SLC9B2: variants seen among roughly 807,000 people sequenced by gnomAD.
The protein encoded by SLC9B2 is sodium/hydrogen exchanger 9B2.
A neutral mutation model predicts 52.2 loss-of-function variants in SLC9B2; 39 were observed. The ratio of observed to expected loss-of-function variants is 0.75; its 90% CI spans 0.58 to 0.98. The LOEUF (loss-of-function observed/expected upper bound fraction) is 0.98, where lower values mean the gene tolerates loss of function less well. SLC9B2 is among the 50% of genes least tolerant of loss of function. SLC9B2 has a pLI of 0.00. For missense variants in SLC9B2, 626 were observed against 637.5 expected, an observed-to-expected ratio of 0.98 and a Z score of 0.19; for synonymous variants, 214 against 227.0, an observed-to-expected ratio of 0.94 and a Z score of 0.51.
At chr4:103,031,829 A>G in intron 9 of SLC9B2, 21 bp from the exon 10 acceptor site, 3 of 1,587,992 alleles carry the variant, frequency 1.9e-6, no homozygotes, top group Non-Finnish European at 2.6e-6. Flanking sequence ...AATAAAACAC[A>G]CACAGATTTT....
chr4:103,031,024 A>AT (rs1352549459), intron 10 of SLC9B2, among the ~76,000 whole-genome samples: 2 of 151,866 alleles, frequency 1.3e-5, no homozygotes, highest in Non-Finnish European at 2.9e-5. Flanking sequence ...TTTTTTTAAG[A>AT]TAAGAGAGAT....
chr4:103,067,499 C>T lies in SLC9B2; in HGVS notation c.52G>A (p.Gly18Arg). Reference sequence around the variant, plus strand: ...TGCATGGAGGGCGTGTAATTCATTCCTGTGGATGGTTCTGAATCTTCATAT... The same window carrying T: ...TGCATGGAGGGCGTGTAATTCATTCTTGTGGATGGTTCTGAATCTTCATAT... ...ITYEDSEPSTGMNYTPSMHQE... is the reference protein window; with the variant it reads ...ITYEDSEPSTRMNYTPSMHQE... The change falls in exon 2 of 12, where the codon GGA becomes AGA. Residue 18 changes from glycine to arginine, a missense_variant. Gly to Arg is a moderately radical substitution (Grantham distance 125, BLOSUM62 -2). Transcript: ENST00000394785. 3.1e-6 allele frequency: 5 copies of T among 1,613,520 alleles called. No homozygotes were observed. The highest frequency in any genetic ancestry group is 4.2e-6 in the Non-Finnish European group (5 of 1,179,596).
At position 103,067,522 on chromosome 4, in the gene SLC9B2, T is replaced by C. The variant is rs998559478; in HGVS notation, c.29A>G (p.Tyr10Cys). Residue 10 changes from tyrosine (Y) to cysteine (C), a missense_variant, in exon 2 of 12, where the codon TAT becomes TGT. Coordinates refer to ENST00000394785, the MANE Select transcript of SLC9B2 (RefSeq NM_178833.7). ...TCCTGTGGATGGTTCTGAATCTTCA[T>C]ATGTAATTCTTTTATCTTCATCCCC... Reference protein sequence around the residue: MGDEDKRITYEDSEPSTGMN... With the variant: MGDEDKRITCEDSEPSTGMN... The C allele has an allele frequency of 6.2e-7, 1 of 1,613,052 alleles. No homozygotes were observed. Among genetic ancestry groups the C allele is most frequent in the Non-Finnish European group, 8.5e-7 (1 of 1,179,288 alleles).
At chr4:103,073,448 C>A (rs1399078260) in intron 1 of SLC9B2, among the ~76,000 whole-genome samples, 2 of 152,164 alleles carry the variant, frequency 1.3e-5, no homozygotes, top group African/African-American at 4.8e-5. Context: ...CCAAAAGGAG[C>A]CCTACCCAGC....
intron 4 of SLC9B2, among the ~76,000 whole-genome samples, chr4:103,053,786 T>C (rs1744892370): frequency 6.6e-6 from 1 of 152,024 alleles, no homozygotes; most frequent in African/African-American, 2.4e-5. Context: ...CACTGCAACC[T>C]CTGCCTGCTG....
Position 103,025,981 on chromosome 4 carries a change from C to A in SLC9B2, c.*389G>T. On this transcript the variant is annotated 3_prime_UTR_variant, in exon 12 of 12. Transcript: ENST00000394785. ...ACAGATCCAAAAAAGAGAGCCAAAA[C>A]CAATTCAAGGCATCAGAGCCTGGGC... 1 of 155,638 alleles carries A rather than the reference C, an allele frequency of 6.4e-6. No individual in the cohort carries two copies. Among genetic ancestry groups the A allele is most frequent in the Non-Finnish European group, 1.4e-5 (1 of 70,528 alleles). 9.6% of individuals were successfully genotyped at this position (155,638 alleles called of 1,614,324 possible).
chr4:103,075,950 T>A (rs1006353533), intron 1 of SLC9B2, among the ~76,000 whole-genome samples: 4 of 152,172 alleles, frequency 2.6e-5, no homozygotes, highest in African/African-American at 9.7e-5. Context: ...TCGAGGATGC[T>A]AACCCAGTCC....
Position 103,052,191 on chromosome 4 carries a change from T to A in SLC9B2, c.443-1809A>T, listed in dbSNP as rs374140085. On this transcript the variant is annotated intron_variant, in intron 4 of 11. Transcript: ENST00000394785. ...TGGTTTCAGGATGAAGCTTTCCACC[T>A]CAGATCATCAGGCATTAATTAGATT... 6.6e-5 allele frequency among the ~76,000 whole-genome samples: 10 copies of A among 152,332 alleles called. No homozygotes were observed. The South Asian group carries it at 2.1e-3, about 32-fold the overall frequency.
At chr4:103,053,706 T>C (rs1462668863) in intron 4 of SLC9B2, among the ~76,000 whole-genome samples, 4 of 152,044 alleles carry the variant, frequency 2.6e-5, no homozygotes, top group Non-Finnish European at 5.9e-5. Flanking sequence ...CATCAGCTTT[T>C]TTTTTTTCTT....
At chr4:103,049,148 T>C (rs1048581580) in intron 5 of SLC9B2, 128 bp from the exon 6 acceptor site, 1 of 1,108,964 alleles carries the variant, frequency 9.0e-7, no homozygotes. Flanking sequence ...TAATGAGTTG[T>C]ATTTAACAAA....
At chr4:103,032,338 A>G (rs1442344732) in intron 9 of SLC9B2, among the ~76,000 whole-genome samples, 3 of 152,154 alleles carry the variant, frequency 2.0e-5, no homozygotes, top group South Asian at 2.1e-4. Flanking sequence ...TACAAAAAAT[A>G]CTGTTTAAGG....
At chr4:103,031,955 C>A in intron 9 of SLC9B2, 147 bp from the exon 10 acceptor site, 3 of 664,930 alleles carry the variant, frequency 4.5e-6, no homozygotes, top group Non-Finnish European at 7.6e-6. Context: ...TAGAACAGAG[C>A]AAAAAAACTG....
chr4:103,018,496 G>A (rs781083467), downstream of SLC9B2, among the ~76,000 whole-genome samples: 132 of 152,302 alleles, frequency 8.7e-4, 2 homozygotes, highest in Non-Finnish European at 1.7e-3. Context: ...GAATTCTCTA[G>A]GGGTGACAAT....
At chr4:103,040,599 G>A (rs1743548501) in intron 9 of SLC9B2, among the ~76,000 whole-genome samples, 1 of 152,142 alleles carries the variant, frequency 6.6e-6, no homozygotes, top group Non-Finnish European at 1.5e-5. Flanking sequence ...ATATAGATGT[G>A]TGTATTGGGG....
downstream of SLC9B2, among the ~76,000 whole-genome samples, chr4:103,021,020 C>A (rs1392330739): frequency 6.6e-6 from 1 of 152,102 alleles, no homozygotes; most frequent in Admixed American, 6.5e-5. Flanking sequence ...GGAGAGTAGA[C>A]AGGGTTTCAT....
intron 9 of SLC9B2, among the ~76,000 whole-genome samples, chr4:103,039,822 AT>A (rs1341676233): frequency 6.6e-6 from 1 of 151,422 alleles, no homozygotes; most frequent in East Asian, 1.9e-4. Context: ...AATTTTTTGT[AT>A]TTTTAGTAGA....
At chr4:103,058,065 T>C (rs1745312120) in intron 3 of SLC9B2, 94 bp from the exon 4 acceptor site, 1 of 1,141,702 alleles carries the variant, frequency 8.8e-7, no homozygotes, top group South Asian at 1.5e-5. Context: ...AAATACTGAA[T>C]GAAAATGCAA....
Position 103,066,330 on chromosome 4 carries a change from T to A in SLC9B2, c.268A>T (p.Asn90Tyr), listed in dbSNP as rs757654703. 1 of 1,608,532 alleles carries A rather than the reference T, an allele frequency of 6.2e-7. No homozygotes were observed. Among genetic ancestry groups the A allele is most frequent in the South Asian group, 1.1e-5 (1 of 90,112 alleles). The part of the protein sequence containing the change: ...PHGLLDRVIT[N>Y]VTIIVLLWAV... Reference sequence around the variant, plus strand: ...CTCTTTCTGAATTCATCCTTACCATTTGTTATGACCCTGTCCAGTAAACCA... The same window carrying A: ...CTCTTTCTGAATTCATCCTTACCATATGTTATGACCCTGTCCAGTAAACCA... The change falls in exon 3 of 12, where the codon AAT (asparagine) becomes TAT (tyrosine). Residue 90 changes from asparagine (N) to tyrosine (Y), a missense_variant. Physicochemically the swap from Asn to Tyr is moderately radical, Grantham distance 143. Coordinates refer to ENST00000394785, the MANE Select transcript of SLC9B2 (RefSeq NM_178833.7).
intron 9 of SLC9B2, 53 bp from the exon 10 acceptor site, chr4:103,031,861 C>T: frequency 6.6e-7 from 1 of 1,523,996 alleles, no homozygotes. Flanking sequence ...GTTACAAATG[C>T]AAAGAATTTT....
Sources: allele counts gnomAD v4.1 joint callset (sites outside exome capture counted in the v4.1 genomes callset), GRCh38; gene constraint gnomAD v4.1.1; transcripts MANE v1.5; gene names NCBI Gene and HGNC (gene_info 2026-07-23, HGNC 2026-07-21).